Variants in ENOX1 observed in about 807,000 individuals in gnomAD.
The protein encoded by ENOX1 is ecto-NOX disulfide-thiol exchanger 1.
In ENOX1, 42 loss-of-function variants were observed where a neutral mutation model predicts 82.5. The observed-to-expected ratio is 0.51, with a 90% CI of 0.40 to 0.66. ENOX1 has a LOEUF of 0.66. Among genes scored for constraint, ENOX1 ranks in the 30% least tolerant of loss-of-function variants. The pLI, the probability that ENOX1 is intolerant of heterozygous loss-of-function variation, is 0.00. For missense variants in ENOX1, 608 were observed against 811.6 expected, an observed-to-expected ratio of 0.75 and a Z score of 3.05; for synonymous variants, 271 against 282.2, an observed-to-expected ratio of 0.96 and a Z score of 0.40.
intron 2 of ENOX1, among the ~76,000 whole-genome samples, chr13:43,635,378 C>A (rs2083375014): frequency 6.6e-6 from 1 of 152,134 alleles, no homozygotes; most frequent in Non-Finnish European, 1.5e-5. Context: ...ATGAGCATTT[C>A]TTTCAACAAA....
chr13:43,223,671 T>C (rs898322278), intron 16 of ENOX1, among the ~76,000 whole-genome samples: 2 of 152,208 alleles, frequency 1.3e-5, no homozygotes, highest in African/African-American at 4.8e-5. Context: ...TCCTCAATTG[T>C]GTGAAGTCCA....
At chr13:43,510,504 G>T (rs1349248754) in intron 2 of ENOX1, among the ~76,000 whole-genome samples, 1 of 152,114 alleles carries the variant, frequency 6.6e-6, no homozygotes, top group East Asian at 1.9e-4. Context: ...AAAGTGCTTT[G>T]CAAATTAAAT....
chr13:43,619,219 A>T (rs1378008108), intron 2 of ENOX1, among the ~76,000 whole-genome samples: 1 of 152,070 alleles, frequency 6.6e-6, no homozygotes, highest in African/African-American at 2.4e-5. Context: ...ACTGATTTGG[A>T]TGCCCTTTAT....
intron 2 of ENOX1, among the ~76,000 whole-genome samples, chr13:43,533,968 G>T (rs952869392): frequency 6.6e-6 from 1 of 152,102 alleles, no homozygotes; most frequent in South Asian, 2.1e-4. Flanking sequence ...CTCAAACTGT[G>T]AACATTGATG....
chr13:43,315,376 G>A (rs991894676), intron 11 of ENOX1, among the ~76,000 whole-genome samples: 2 of 152,124 alleles, frequency 1.3e-5, no homozygotes, highest in African/African-American at 4.8e-5. Flanking sequence ...AGGGTAATCC[G>A]TTTTTCAAAA....
In ENOX1 at chr13:43,425,132, A is replaced by T. The variant is rs186044345; in HGVS notation, c.-74-12144T>A. On this transcript the variant is annotated intron_variant, in intron 3 of 16. Coordinates refer to ENST00000690772, the MANE Select transcript of ENOX1 (RefSeq NM_001347969.2). ...ACCTCCAGGAACATACATGATTCAG[A>T]AGCTGAATCCTGGTTATTTCTTGGT... 5.3e-5 allele frequency among the ~76,000 whole-genome samples: 8 copies of T among 152,268 alleles called. No individual in the cohort carries two copies. The East Asian group carries it at 1.5e-3, about 29-fold the overall frequency.
intron 1 of ENOX1, among the ~76,000 whole-genome samples, chr13:43,683,043 G>A (rs555522482): frequency 1.8e-4 from 28 of 152,232 alleles, no homozygotes; most frequent in African/African-American, 2.9e-4. Context: ...AATGTGGCAC[G>A]TCAAATCTAA....
intron 9 of ENOX1, among the ~76,000 whole-genome samples, chr13:43,340,959 A>G (rs1422607032): frequency 2.0e-5 from 3 of 152,216 alleles, no homozygotes; most frequent in African/African-American, 7.2e-5. Context: ...CAGACATATC[A>G]TGAAATCACT....
intron 1 of ENOX1, among the ~76,000 whole-genome samples, chr13:43,776,423 A>G (rs765194127): frequency 3.3e-5 from 5 of 150,256 alleles, no homozygotes; most frequent in African/African-American, 1.0e-4. Context: ...CGTCTACCCC[A>G]CCTGGAACTA....
At chr13:43,539,826 T>C (rs756541993) in intron 2 of ENOX1, among the ~76,000 whole-genome samples, 5 of 152,206 alleles carry the variant, frequency 3.3e-5, no homozygotes, top group Admixed American at 6.5e-5. Context: ...TTGATCTAAA[T>C]AGTTTATATT....
chr13:43,247,852 TATATATATATATATATA>T lies in ENOX1; in HGVS notation c.1612-11131_1612-11115del, dbSNP rs2043181431. ...ACATATATATATATATATATATATA[TATATATATATATATATA>T]TATATATATATATATTTTTTTTTTT... On this transcript the variant is annotated intron_variant, in intron 14 of 16. Coordinates refer to ENST00000690772, the MANE Select transcript of ENOX1 (RefSeq NM_001347969.2). Among the ~76,000 whole-genome samples, 12 of 2,828 alleles carry T rather than the reference TATATATATATATATATA, an allele frequency of 4.2e-3. 1 individual carries two copies. The highest frequency in any genetic ancestry group is 0.013 in the Non-Finnish European group (6 of 468). 1.9% of individuals were successfully genotyped at this position (2,828 alleles called of 152,430 possible).
chr13:43,312,024 C>T (rs543503402), intron 11 of ENOX1, among the ~76,000 whole-genome samples: 1 of 152,284 alleles, frequency 6.6e-6, no homozygotes, highest in South Asian at 2.1e-4. Context: ...AAAATATCTT[C>T]TAAATATATG....
chr13:43,425,542 T>C (rs1052490053), intron 3 of ENOX1, among the ~76,000 whole-genome samples: 3 of 152,200 alleles, frequency 2.0e-5, no homozygotes, highest in African/African-American at 7.2e-5. Flanking sequence ...TGGAGGACTA[T>C]GTTCCTCAAA....
At chr13:43,742,204 G>T (rs187056889) in intron 1 of ENOX1, among the ~76,000 whole-genome samples, 1 of 152,086 alleles carries the variant, frequency 6.6e-6, no homozygotes, top group African/African-American at 2.4e-5. Context: ...AAGAAATTAT[G>T]AAGTATTGGC....
At chr13:43,750,210 G>A (rs1374381503) in intron 1 of ENOX1, among the ~76,000 whole-genome samples, 1 of 152,074 alleles carries the variant, frequency 6.6e-6, no homozygotes, top group African/African-American at 2.4e-5. Flanking sequence ...CCCAGAGTAG[G>A]AAAATAAAAT....
chr13:43,251,250 T>TAC (rs1209408166), intron 14 of ENOX1, among the ~76,000 whole-genome samples: 1 of 152,230 alleles, frequency 6.6e-6, no homozygotes, highest in Non-Finnish European at 1.5e-5. Context: ...GAGACTTTTA[T>TAC]ACACATCTTA....
At chr13:43,689,495 T>C (rs1003112794) in intron 1 of ENOX1, among the ~76,000 whole-genome samples, 9 of 152,320 alleles carry the variant, frequency 5.9e-5, no homozygotes, top group African/African-American at 2.2e-4. Context: ...CTGACATTAT[T>C]TGGTGCCTCT....
intron 2 of ENOX1, among the ~76,000 whole-genome samples, chr13:43,636,140 A>T (rs1418277657): frequency 1.3e-5 from 2 of 152,176 alleles, no homozygotes; most frequent in Admixed American, 1.3e-4. Context: ...TTTTGCTGTA[A>T]CTAAGAGACA....
intron 1 of ENOX1, among the ~76,000 whole-genome samples, chr13:43,771,361 G>A (rs1036064698): frequency 6.6e-6 from 1 of 151,978 alleles, no homozygotes; most frequent in East Asian, 1.9e-4. Context: ...AAACCCCCGA[G>A]GACCTAACCC....
Sources: allele counts gnomAD v4.1 joint callset (sites outside exome capture counted in the v4.1 genomes callset), GRCh38; gene constraint gnomAD v4.1.1; transcripts MANE v1.5; gene names NCBI Gene and HGNC (gene_info 2026-07-23, HGNC 2026-07-21).